Variants in ARSB observed in about 807,000 individuals in gnomAD.
The protein encoded by ARSB is arylsulfatase B, also known as N-acetylgalactosamine-4-sulfatase.
ARSB carries 41 observed loss-of-function variants against 50.9 expected under a neutral mutation model. That is an observed-to-expected ratio of 0.81 (90% CI 0.63 to 1.04). The LOEUF (loss-of-function observed/expected upper bound fraction) is 1.04, where lower values mean the gene tolerates loss of function less well. Among genes scored for constraint, ARSB ranks in the 50% least tolerant of loss-of-function variants. ARSB has a pLI of 0.00. For missense variants in ARSB, 672 were observed against 693.3 expected, an observed-to-expected ratio of 0.97 and a Z score of 0.35; for synonymous variants, 269 against 284.8, an observed-to-expected ratio of 0.94 and a Z score of 0.56.
intron 6 of ARSB, among the ~76,000 whole-genome samples, chr5:78,786,578 G>T (rs534615084): frequency 6.6e-6 from 1 of 152,260 alleles, no homozygotes; most frequent in Admixed American, 6.5e-5. Context: ...TCGAGTAACT[G>T]CAGAGCATTA....
chr5:78,913,685 G>T (rs965631424), intron 4 of ARSB, among the ~76,000 whole-genome samples: 1 of 152,094 alleles, frequency 6.6e-6, no homozygotes, highest in Admixed American at 6.5e-5. Flanking sequence ...CCACAGACCT[G>T]CCAGCTTAGT....
At chr5:78,969,249 C>T (rs745589620) in intron 1 of ARSB, 57 bp from the exon 2 acceptor site, 121 of 1,586,274 alleles carry the variant, frequency 7.6e-5, no homozygotes, top group Non-Finnish European at 1.0e-4. Flanking sequence ...TGTGAACAAG[C>T]AGATAAAATG....
intron 6 of ARSB, among the ~76,000 whole-genome samples, chr5:78,786,676 C>T (rs1749087817): frequency 6.6e-6 from 1 of 152,174 alleles, no homozygotes; most frequent in Non-Finnish European, 1.5e-5. Flanking sequence ...GGCTGGAGTG[C>T]GATCTTAGCT....
chr5:78,809,378 C>T (rs573726558), intron 6 of ARSB, among the ~76,000 whole-genome samples: 10 of 152,232 alleles, frequency 6.6e-5, no homozygotes, highest in Admixed American at 2.0e-4. Context: ...AGGAAAAGCA[C>T]GGCAGCACAT....
intron 5 of ARSB, among the ~76,000 whole-genome samples, chr5:78,848,984 G>T (rs1375402395): frequency 6.6e-6 from 1 of 152,184 alleles, no homozygotes; most frequent in Non-Finnish European, 1.5e-5. Flanking sequence ...CAGATGAGTA[G>T]ATTGCAAAAA....
intron 6 of ARSB, among the ~76,000 whole-genome samples, chr5:78,803,186 A>T (rs1341722166): frequency 6.6e-6 from 1 of 152,168 alleles, no homozygotes; most frequent in Non-Finnish European, 1.5e-5. Context: ...CCCCAGTGGG[A>T]CTCGTCTGCT....
At chr5:78,784,498 A>T (rs1312768111) in intron 6 of ARSB, among the ~76,000 whole-genome samples, 1 of 152,172 alleles carries the variant, frequency 6.6e-6, no homozygotes, top group South Asian at 2.1e-4. Flanking sequence ...CACAAAAAAG[A>T]GTTTGTTGGT....
At position 78,985,078 on chromosome 5, in the gene ARSB, C is replaced by G. The variant is rs1554032205; in HGVS notation, c.171G>C (p.Trp57Cys). ...LVFLLADDLGWNDVGFHGSRI... is the reference protein window; with the variant it reads ...LVFLLADDLGCNDVGFHGSRI... ...GGGAGCCGTGGAAGCCGACGTCGTT[C>G]CAGCCTAGGTCGTCTGCCAGCAAGA... Residue 57 changes from tryptophan to cysteine, a missense_variant, in exon 1 of 8, where the codon TGG becomes TGC. By Grantham distance (215) the Trp-to-Cys change is radical. Transcript: ENST00000264914. The G allele has an allele frequency of 1.9e-6, 3 of 1,544,284 alleles. No individual in the cohort carries two copies. The highest frequency in any genetic ancestry group is 2.6e-6 in the Non-Finnish European group (3 of 1,147,190).
chr5:78,977,246 C>G (rs529177723), intron 1 of ARSB, among the ~76,000 whole-genome samples: 1 of 151,764 alleles, frequency 6.6e-6, no homozygotes, highest in African/African-American at 2.4e-5. Flanking sequence ...CTCCGTCTCC[C>G]GGGTTCAAGC....
chr5:78,794,023 T>A (rs150390207), intron 6 of ARSB, among the ~76,000 whole-genome samples: 97 of 152,294 alleles, frequency 6.4e-4, no homozygotes, highest in Non-Finnish European at 1.2e-3. Context: ...CCCGTACATT[T>A]AGGCCCCAGA....
At chr5:78,829,079 A>G (rs1744562450) in intron 6 of ARSB, among the ~76,000 whole-genome samples, 1 of 152,256 alleles carries the variant, frequency 6.6e-6, no homozygotes, top group Non-Finnish European at 1.5e-5. Flanking sequence ...AGAAGCAGGA[A>G]AAGGCAAGGA....
intron 3 of ARSB, among the ~76,000 whole-genome samples, chr5:78,960,906 T>A (rs899673592): frequency 1.3e-5 from 2 of 152,226 alleles, no homozygotes; most frequent in African/African-American, 2.4e-5. Flanking sequence ...ATGAATATGT[T>A]ACTTTCAGTC....
At chr5:78,807,868 C>T (rs1273089843) in intron 6 of ARSB, among the ~76,000 whole-genome samples, 5 of 151,840 alleles carry the variant, frequency 3.3e-5, no homozygotes, top group African/African-American at 4.8e-5. Context: ...CCGAGGCGGG[C>T]GGATCACGAG....
At chr5:78,866,705 G>A (rs1446864723) in intron 5 of ARSB, among the ~76,000 whole-genome samples, 1 of 152,168 alleles carries the variant, frequency 6.6e-6, no homozygotes, top group Non-Finnish European at 1.5e-5. Flanking sequence ...GTGTCCTTTG[G>A]AAGATGGATG....
rs1204806417 is a variant in ARSB at position 78,777,553 on chromosome 5, T to C, written c.*2844A>G. 6.6e-6 allele frequency: 1 copy of C among 152,418 alleles called. No homozygotes were observed. Among genetic ancestry groups the C allele is most frequent in the Non-Finnish European group, 1.5e-5 (1 of 67,996 alleles). 9.4% of individuals were successfully genotyped at this position (152,418 alleles called of 1,614,324 possible). ...TCACAATTAAATAAGCAAAACCTTCTGTAAAGGTAAAAAAATTTGCCGGGC... is the reference window on the plus strand; with the variant it reads ...TCACAATTAAATAAGCAAAACCTTCCGTAAAGGTAAAAAAATTTGCCGGGC... On this transcript the variant is annotated 3_prime_UTR_variant, in exon 8 of 8. Transcript: ENST00000264914.
At chr5:78,818,845 C>A (rs1048406549) in intron 6 of ARSB, among the ~76,000 whole-genome samples, 1 of 152,004 alleles carries the variant, frequency 6.6e-6, no homozygotes, top group Non-Finnish European at 1.5e-5. Flanking sequence ...CCTTAAGCAA[C>A]CTTGCTCAAT....
Position 78,786,583 on chromosome 5 carries a change from G to A in ARSB, c.1214-4609C>T, listed in dbSNP as rs73118696. On this transcript the variant is annotated intron_variant, in intron 6 of 7. Coordinates refer to ENST00000264914, the MANE Select transcript of ARSB (RefSeq NM_000046.5). The stretch of plus-strand genomic sequence containing the variant: ...GTTTAACCTTTCGAGTAACTGCAGA[G>A]CATTAAAAAATGGCTGAAATGTGTT... Among the ~76,000 whole-genome samples the A allele has an allele frequency of 4.0e-3, 616 of 152,224 alleles. 5 individuals are homozygous for A. The highest frequency in any genetic ancestry group is 0.014 in the African/African-American group (594 of 41,532).
chr5:78,899,622 T>C (rs1345478065), intron 4 of ARSB, among the ~76,000 whole-genome samples: 1 of 152,190 alleles, frequency 6.6e-6, no homozygotes, highest in African/African-American at 2.4e-5. Context: ...CTCTTAAGAG[T>C]TCTTCAGTTT....
At chr5:78,781,297 TTC>T (rs1228199342) in intron 7 of ARSB, among the ~76,000 whole-genome samples, 6 of 151,488 alleles carry the variant, frequency 4.0e-5, no homozygotes, top group Non-Finnish European at 8.8e-5. Flanking sequence ...CTACAGTTAA[TTC>T]TCTCTGTCTT....
Sources: allele counts gnomAD v4.1 joint callset (sites outside exome capture counted in the v4.1 genomes callset), GRCh38; gene constraint gnomAD v4.1.1; transcripts MANE v1.5; gene names NCBI Gene and HGNC (gene_info 2026-07-23, HGNC 2026-07-21).